Variants in PLXNA4 observed in about 807,000 individuals in gnomAD.
PLXNA4 encodes the protein plexin A4.
A neutral mutation model predicts 191.8 loss-of-function variants in PLXNA4; 44 were observed. The ratio of observed to expected loss-of-function variants is 0.23; its 90% confidence interval spans 0.18 to 0.29. The LOEUF (loss-of-function observed/expected upper bound fraction) is 0.29. Ranked by LOEUF, PLXNA4 falls within the 10% of genes least tolerant of loss-of-function variation. PLXNA4 has a pLI of 1.00. For missense variants in PLXNA4, 1,800 were observed against 2,488.8 expected (o/e 0.72, Z 5.89); for synonymous variants, 1,082 against 1,009.5 (o/e 1.07, Z -1.36).
intron 21 of PLXNA4, among the ~76,000 whole-genome samples, chr7:132,170,269 T>C (rs1404174961): frequency 6.6e-6 from 1 of 152,026 alleles, no homozygotes; most frequent in African/African-American, 2.4e-5. Context: ...ACCAAAAAGG[T>C]AGGTTTGTTA....
At chr7:132,222,070 C>T (rs1031343411) in intron 9 of PLXNA4, among the ~76,000 whole-genome samples, 4 of 152,196 alleles carry the variant, frequency 2.6e-5, no homozygotes, top group Non-Finnish European at 4.4e-5. Context: ...AATTTCTACT[C>T]TTTCTTTCTT....
At chr7:132,213,772 C>T (rs1797877109) in intron 9 of PLXNA4, among the ~76,000 whole-genome samples, 1 of 152,114 alleles carries the variant, frequency 6.6e-6, no homozygotes, top group African/African-American at 2.4e-5. Context: ...CTTTCCCTCC[C>T]CTGAAGCAGC....
At chr7:132,328,038 G>A (rs766127809) in intron 3 of PLXNA4, among the ~76,000 whole-genome samples, 1 of 152,146 alleles carries the variant, frequency 6.6e-6, no homozygotes, top group African/African-American at 2.4e-5. Flanking sequence ...AAGGGTGGCC[G>A]GATGGACAGA....
chr7:132,476,422 G>A (rs1001378079), intron 3 of PLXNA4, among the ~76,000 whole-genome samples: 1 of 152,200 alleles, frequency 6.6e-6, no homozygotes, highest in African/African-American at 2.4e-5. Flanking sequence ...TCTACAAAAT[G>A]ACTTTGAGAG....
intron 3 of PLXNA4, among the ~76,000 whole-genome samples, chr7:132,354,110 GT>G (rs758264882): frequency 6.6e-5 from 10 of 152,160 alleles, no homozygotes; most frequent in Non-Finnish European, 1.3e-4. Context: ...GTCCTGGCGG[GT>G]TTGGATTAAT....
intron 4 of PLXNA4, among the ~76,000 whole-genome samples, chr7:132,243,859 G>C (rs1437600178): frequency 6.6e-6 from 1 of 151,964 alleles, no homozygotes; most frequent in Non-Finnish European, 1.5e-5. Flanking sequence ...GTCTTCCAAG[G>C]CTTCAGGAAC....
chr7:132,367,141 G>A (rs1804219330), intron 3 of PLXNA4, among the ~76,000 whole-genome samples: 3 of 152,142 alleles, frequency 2.0e-5, no homozygotes, highest in Admixed American at 1.3e-4. Context: ...TGCTAAACAT[G>A]GGCTCTACAT....
intron 25 of PLXNA4, among the ~76,000 whole-genome samples, chr7:132,158,065 C>A (rs930707228): frequency 6.6e-6 from 1 of 152,216 alleles, no homozygotes; most frequent in Admixed American, 6.5e-5. Context: ...CTCAGAGACA[C>A]CTCCACAGTG....
intron 1 of PLXNA4, among the ~76,000 whole-genome samples, chr7:132,511,828 G>T (rs1219946418): frequency 3.3e-5 from 5 of 152,160 alleles, no homozygotes; most frequent in African/African-American, 7.2e-5. Flanking sequence ...ATAAGTTTTT[G>T]ATCTAAAAGA....
At chr7:132,394,190 G>A (rs370069340) in intron 3 of PLXNA4, among the ~76,000 whole-genome samples, 1 of 152,164 alleles carries the variant, frequency 6.6e-6, no homozygotes, top group Non-Finnish European at 1.5e-5. Flanking sequence ...CCTGGGCCGG[G>A]ATGGAGCCGA....
chr7:132,189,213 G>A (rs1450967873), intron 14 of PLXNA4, among the ~76,000 whole-genome samples: 2 of 151,962 alleles, frequency 1.3e-5, no homozygotes, highest in Non-Finnish European at 2.9e-5. Flanking sequence ...AATCCCTGCA[G>A]GTGTTGCTGG....
At chr7:132,611,605 G>T (rs1327278811) in intron 2 of PLXNA4, among the ~76,000 whole-genome samples, 3 of 152,194 alleles carry the variant, frequency 2.0e-5, no homozygotes, top group Non-Finnish European at 4.4e-5. Context: ...ACAACCTGGG[G>T]CATGATCCTG....
intron 3 of PLXNA4, among the ~76,000 whole-genome samples, chr7:132,332,823 G>A (rs928807251): frequency 3.4e-5 from 5 of 148,790 alleles, no homozygotes; most frequent in East Asian, 2.0e-4. Context: ...TCATGCCACT[G>A]TACTCCAACA....
intron 9 of PLXNA4, among the ~76,000 whole-genome samples, chr7:132,217,897 CTTTTTTTT>C (rs138576612): frequency 3.2e-4 from 14 of 43,436 alleles, no homozygotes; most frequent in South Asian, 2.4e-3. Flanking sequence ...GCTGGATTTG[CTTTTTTTT>C]TTTTTTTTTT....
At chr7:132,184,100 T>A (rs552204779) in intron 16 of PLXNA4, among the ~76,000 whole-genome samples, 1 of 152,298 alleles carries the variant, frequency 6.6e-6, no homozygotes, top group African/African-American at 2.4e-5. Context: ...ACTGGACACA[T>A]CCCTGCTCTC....
chr7:132,496,607 G>C (rs911370047), intron 2 of PLXNA4, among the ~76,000 whole-genome samples: 1 of 152,054 alleles, frequency 6.6e-6, no homozygotes, highest in Non-Finnish European at 1.5e-5. Context: ...TCACTATGTT[G>C]GCCAGGCTGG....
At chr7:132,275,625 G>T (rs1334644445) in intron 4 of PLXNA4, among the ~76,000 whole-genome samples, 1 of 152,076 alleles carries the variant, frequency 6.6e-6, no homozygotes, top group Non-Finnish European at 1.5e-5. Flanking sequence ...ACAGAGAAAT[G>T]CCAGTCCCAG....
At chr7:132,471,513 C>G (rs1369591708) in intron 3 of PLXNA4, among the ~76,000 whole-genome samples, 2 of 152,124 alleles carry the variant, frequency 1.3e-5, no homozygotes, top group African/African-American at 4.8e-5. Context: ...ATGGGGGCAC[C>G]TCACCTGTTA....
At chr7:132,389,706 C>T (rs1805317777) in intron 3 of PLXNA4, among the ~76,000 whole-genome samples, 2 of 152,172 alleles carry the variant, frequency 1.3e-5, no homozygotes, top group East Asian at 1.9e-4. Context: ...TAGTGTGATG[C>T]CTCCAGCTTT....
Sources: gnomAD v4.1 joint callset for allele counts (sites outside exome capture counted in the v4.1 genomes callset) on GRCh38, gnomAD v4.1.1 for gene constraint, MANE v1.5 for transcripts, NCBI Gene and HGNC (gene_info 2026-07-23, HGNC 2026-07-21) for gene names.